Variants in ELF1 observed in about 807,000 individuals in gnomAD.
The protein encoded by ELF1 is E74 like ETS transcription factor 1.
In ELF1, 24 loss-of-function variants were observed where a neutral mutation model predicts 59.9. The observed-to-expected ratio is 0.40, with a 90% CI of 0.29 to 0.56. The LOEUF (loss-of-function observed/expected upper bound fraction) is 0.56. Among genes scored for constraint, ELF1 ranks in the 20% least tolerant of loss-of-function variants. ELF1 has a pLI of 0.44. For missense variants in ELF1, 627 were observed against 742.2 expected (o/e 0.84, Z 1.80); for synonymous variants, 248 against 266.2 (o/e 0.93, Z 0.67).
chr13:41,012,894 T>C (rs1319660769), intron 1 of ELF1, among the ~76,000 whole-genome samples: 4 of 152,150 alleles, frequency 2.6e-5, no homozygotes, highest in African/African-American at 9.7e-5. Context: ...CTCTGTTATA[T>C]ATTTTTATAA....
intron 2 of ELF1, among the ~76,000 whole-genome samples, chr13:40,980,325 T>A (rs139292625): frequency 3.3e-5 from 5 of 152,210 alleles, no homozygotes; most frequent in Non-Finnish European, 5.9e-5. Flanking sequence ...ACTTATAAAA[T>A]CCTTATAACA....
At chr13:40,997,256 T>C (rs1467973074) in intron 1 of ELF1, among the ~76,000 whole-genome samples, 1 of 152,142 alleles carries the variant, frequency 6.6e-6, no homozygotes, top group Non-Finnish European at 1.5e-5. Flanking sequence ...ATTTATTATT[T>C]TAATCTTTTT....
chr13:40,956,601 TG>T (rs1311342021), intron 3 of ELF1, among the ~76,000 whole-genome samples: 2 of 147,760 alleles, frequency 1.4e-5, no homozygotes, highest in Non-Finnish European at 3.0e-5. Flanking sequence ...AAAAGAAAGT[TG>T]GAAAGGCTTC....
chr13:41,013,050 G>T (rs1875168620), intron 1 of ELF1, among the ~76,000 whole-genome samples: 1 of 151,986 alleles, frequency 6.6e-6, no homozygotes, highest in South Asian at 2.1e-4. Context: ...TGTTTCAGGG[G>T]TCAAATATAT....
chr13:41,037,369 A>G (rs1259239875), intron 1 of ELF1, among the ~76,000 whole-genome samples: 1 of 152,224 alleles, frequency 6.6e-6, no homozygotes, highest in Non-Finnish European at 1.5e-5. Flanking sequence ...ACATTTGGTC[A>G]AAAATTACAA....
intron 8 of ELF1, among the ~76,000 whole-genome samples, chr13:40,935,783 C>G (rs940319814): frequency 2.0e-5 from 3 of 151,332 alleles, no homozygotes; most frequent in African/African-American, 4.9e-5. Flanking sequence ...AAGCAATTCT[C>G]TGCCTCAGCC....
intron 7 of ELF1, 28 bp from the exon 8 acceptor site, chr13:40,941,398 C>T (rs773331077): frequency 6.6e-7 from 1 of 1,515,482 alleles, no homozygotes. Flanking sequence ...TTTCATCAAT[C>T]AATCAAACAT....
intron 1 of ELF1, among the ~76,000 whole-genome samples, chr13:41,058,332 A>G (rs1408685261): frequency 6.6e-6 from 1 of 151,884 alleles, no homozygotes; most frequent in East Asian, 1.9e-4. Context: ...TGTTCCCCCT[A>G]CCTCAGCTTT....
At chr13:41,011,251 G>C (rs554517280) in intron 1 of ELF1, among the ~76,000 whole-genome samples, 10 of 152,246 alleles carry the variant, frequency 6.6e-5, no homozygotes, top group Admixed American at 3.3e-4. Context: ...ATTTGAATGT[G>C]GGATAATTCT....
At chr13:40,947,647 G>T (rs1870586485) in intron 5 of ELF1, among the ~76,000 whole-genome samples, 1 of 152,148 alleles carries the variant, frequency 6.6e-6, no homozygotes, top group African/African-American at 2.4e-5. Flanking sequence ...TAATAACTAT[G>T]GGGCACCAGG....
chr13:41,006,123 C>T (rs11617732), intron 1 of ELF1, among the ~76,000 whole-genome samples: 6 of 152,004 alleles, frequency 3.9e-5, no homozygotes, highest in Non-Finnish European at 8.8e-5. Flanking sequence ...TGGTAGTAGG[C>T]TCCTGAAGTA....
chr13:40,936,877 T>C (rs1869818831), intron 8 of ELF1, among the ~76,000 whole-genome samples: 1 of 151,566 alleles, frequency 6.6e-6, no homozygotes, highest in Non-Finnish European at 1.5e-5. Context: ...AACCAGGAGC[T>C]GGGAGGTGAA....
At chr13:41,017,890 G>A (rs912126996) in intron 1 of ELF1, among the ~76,000 whole-genome samples, 26 of 152,102 alleles carry the variant, frequency 1.7e-4, no homozygotes, top group Non-Finnish European at 3.4e-4. Flanking sequence ...GACTAAACCA[G>A]CAATATGCAA....
intron 3 of ELF1, among the ~76,000 whole-genome samples, chr13:40,956,093 C>T (rs1286728329): frequency 2.7e-5 from 4 of 149,136 alleles, no homozygotes; most frequent in South Asian, 2.2e-4. Flanking sequence ...TCATTGAGAA[C>T]GGGCCATGAT....
intron 5 of ELF1, among the ~76,000 whole-genome samples, chr13:40,945,690 C>T (rs756017706): frequency 4.6e-5 from 7 of 152,162 alleles, no homozygotes; most frequent in Non-Finnish European, 1.0e-4. Context: ...GTTTCTGGAA[C>T]TTTGATTAAA....
In ELF1 at chr13:41,058,570, G is replaced by C. The variant is rs1289735245; in HGVS notation, c.-229+2268C>G. Among the ~76,000 whole-genome samples the C allele has an allele frequency of 2.0e-5, 3 of 152,314 alleles. No individual in the cohort carries two copies. In the South Asian group the frequency reaches 6.2e-4, roughly 32 times the overall value. ...CAGAGATGATGCAACTACTTCCTTT[G>C]TGTTCACCCCCAGGTATATAGTACA... On this transcript the variant is annotated intron_variant, in intron 1 of 1. Transcript: ENST00000405737.
chr13:40,978,934 T>C (rs1173703504), intron 2 of ELF1, among the ~76,000 whole-genome samples: 1 of 152,086 alleles, frequency 6.6e-6, no homozygotes, highest in Admixed American at 6.6e-5. Flanking sequence ...TACATGAGTA[T>C]ATTGCTTGTT....
At chr13:40,986,273 C>T (rs1277552302) in intron 1 of ELF1, among the ~76,000 whole-genome samples, 2 of 152,206 alleles carry the variant, frequency 1.3e-5, no homozygotes, top group Non-Finnish European at 2.9e-5. Flanking sequence ...GTCTCAGTCC[C>T]CTCTTTCCAT....
intron 1 of ELF1, among the ~76,000 whole-genome samples, chr13:41,001,292 A>G (rs1457864065): frequency 6.6e-6 from 1 of 151,762 alleles, no homozygotes; most frequent in African/African-American, 2.4e-5. Context: ...TTTTTTAATT[A>G]TTATTTATAT....
Sources: gnomAD v4.1 joint callset for allele counts (sites outside exome capture counted in the v4.1 genomes callset) on GRCh38, gnomAD v4.1.1 for gene constraint, MANE v1.5 for transcripts, NCBI Gene and HGNC (gene_info 2026-07-23, HGNC 2026-07-21) for gene names.